MTARC1: variants seen among roughly 807,000 people sequenced by gnomAD.
MTARC1 encodes mitochondrial amidoxime-reducing component 1.
MTARC1 carries 24 observed loss-of-function variants against 33.6 expected under a neutral mutation model. The observed-to-expected ratio is 0.72, with a 90% CI of 0.52 to 1.01. MTARC1 has a LOEUF of 1.01. MTARC1 is among the 50% of genes least tolerant of loss of function. The pLI is 0.00. For synonymous variants in MTARC1, 187 were observed against 189.5 expected (o/e 0.99, Z 0.11); for missense variants, 417 against 445.7 (o/e 0.94, Z 0.58).
rs1331037687 is a variant in MTARC1 at position 220,819,406 on chromosome 1, C to T, written c.*5988C>T. ...GCAGTCGAAGTCCTAGAGAATATAT[C>T]TGGAGCTTTTGTGGGGCTAAGAGAT... On this transcript the variant is annotated 3_prime_UTR_variant, in exon 7 of 7. Coordinates refer to ENST00000366910, the MANE Select transcript of MTARC1 (RefSeq NM_022746.4). 2 of 152,166 alleles carry T rather than the reference C, an allele frequency of 1.3e-5. No homozygotes were observed. The highest frequency in any genetic ancestry group is 4.8e-5 in the African/African-American group (2 of 41,446). 9.4% of individuals were successfully genotyped at this position (152,166 alleles called of 1,614,324 possible).
chr1:220,813,048 G>A (rs7537521), intron 6 of MTARC1, among the ~76,000 whole-genome samples: 107 of 152,268 alleles, frequency 7.0e-4, no homozygotes, highest in African/African-American at 2.4e-3. Flanking sequence ...TCTTAATGCC[G>A]AAAGGGGGAA....
At position 220,787,017 on chromosome 1, in the gene MTARC1, G is replaced by A. The variant is rs953411816; in HGVS notation, c.73G>A (p.Val25Ile). The A allele has an allele frequency of 2.1e-5, 28 of 1,318,172 alleles. No homozygotes were observed. Among genetic ancestry groups the A allele is most frequent in the Non-Finnish European group, 2.7e-5 (28 of 1,041,926 alleles). 81.7% of individuals were successfully genotyped at this position (1,318,172 alleles called of 1,614,324 possible). ...GCAATCCCGGCCCGGGTGGCTCGGGGTTGCCGCGCTGGGCCTGACCGCGGT... is the reference window on the plus strand; with the variant it reads ...GCAATCCCGGCCCGGGTGGCTCGGGATTGCCGCGCTGGGCCTGACCGCGGT... ...LAQSRPGWLG[V>I]AALGLTAVAL... Residue 25 changes from valine to isoleucine, a missense_variant, in exon 1 of 7, where the codon GTT becomes ATT. By Grantham distance (29) the Val-to-Ile change is conservative (BLOSUM62 3). Transcript: ENST00000366910.
intron 6 of MTARC1, 103 bp downstream of exon 6, chr1:220,805,377 C>G: frequency 8.0e-7 from 1 of 1,256,498 alleles, no homozygotes; most frequent in Non-Finnish European, 1.2e-6. Context: ...AAACACCACA[C>G]ACATAGTCTT....
chr1:220,792,596 C>T lies in MTARC1; in HGVS notation c.449+932C>T, dbSNP rs12038224. Reference sequence around the variant, plus strand: ...TAATATACTTTTTTGAATTTGGTGGCTTTTCAGATTAGAAAAGTGGTACAT... The same window carrying T: ...TAATATACTTTTTTGAATTTGGTGGTTTTTCAGATTAGAAAAGTGGTACAT... On this transcript the variant is annotated intron_variant, in intron 2 of 6. Transcript: ENST00000366910. 9.3e-3 allele frequency among the ~76,000 whole-genome samples: 1,389 copies of T among 149,680 alleles called. 10 individuals are homozygous for T. The highest frequency in any genetic ancestry group is 0.06 in the East Asian group (305 of 5,110).
chr1:220,795,999 G>C (rs1672604180), intron 2 of MTARC1, among the ~76,000 whole-genome samples: 1 of 152,136 alleles, frequency 6.6e-6, no homozygotes, highest in South Asian at 2.1e-4. Flanking sequence ...CTCCATAGCT[G>C]TGAAATTCAT....
chr1:220,798,204 G>A lies in MTARC1; in HGVS notation c.753+190G>A, dbSNP rs1011183940. The A allele has an allele frequency of 3.3e-6, 5 of 1,519,036 alleles. No homozygotes were observed. In the African/African-American group the frequency reaches 6.9e-5, roughly 21 times the overall value. 94.1% of individuals were successfully genotyped at this position (1,519,036 alleles called of 1,614,324 possible). A position where few individuals can be genotyped will look rare whatever the true frequency, so the allele number is the denominator to read the frequency against. ...CTTCTGTGTGGAGGATACAAATGTT[G>A]ATGGGTCAGAGACTGTCATCAAGGA... On this transcript the variant is annotated intron_variant, in intron 4 of 6. Transcript: ENST00000366910.
At position 220,819,371 on chromosome 1, in the gene MTARC1, A is replaced by G. The variant is rs1282542922; in HGVS notation, c.*5953A>G. The G allele has an allele frequency of 2.0e-5, 3 of 152,236 alleles. No individual in the cohort carries two copies. Among genetic ancestry groups the G allele is most frequent in the Non-Finnish European group, 4.4e-5 (3 of 68,024 alleles). 9.4% of individuals were successfully genotyped at this position (152,236 alleles called of 1,614,324 possible). A position where few individuals can be genotyped will look rare whatever the true frequency, so the allele number is the denominator to read the frequency against. ...ATGTGGCCAAGATAAATGCAAGTCT[A>G]TATTTTAAGGCAGTCGAAGTCCTAG... On this transcript the variant is annotated 3_prime_UTR_variant, in exon 7 of 7. Coordinates refer to ENST00000366910, the MANE Select transcript of MTARC1 (RefSeq NM_022746.4).
At position 220,813,994 on chromosome 1, in the gene MTARC1, A is replaced by G. The variant is rs911115314; in HGVS notation, c.*576A>G. 6.4e-6 allele frequency: 1 copy of G among 155,230 alleles called. No individual in the cohort carries two copies. Among genetic ancestry groups the G allele is most frequent in the Non-Finnish European group, 1.4e-5 (1 of 69,952 alleles). 9.6% of individuals were successfully genotyped at this position (155,230 alleles called of 1,614,324 possible). ...AGATATTAATTTTCCATAGATCTGG[A>G]TCTGGCCCTGCTGCTTCTCAGACAG... On this transcript the variant is annotated 3_prime_UTR_variant, in exon 7 of 7. Coordinates refer to ENST00000366910, the MANE Select transcript of MTARC1 (RefSeq NM_022746.4).
intron 1 of MTARC1, among the ~76,000 whole-genome samples, chr1:220,789,130 A>G (rs2102582934): frequency 6.6e-6 from 1 of 152,262 alleles, no homozygotes; most frequent in East Asian, 1.9e-4. Context: ...GTGCCAGCAT[A>G]GAGGATGCAG....
At chr1:220,800,357 G>A (rs1445144837) in intron 4 of MTARC1, among the ~76,000 whole-genome samples, 1 of 152,194 alleles carries the variant, frequency 6.6e-6, no homozygotes, top group African/African-American at 2.4e-5. Context: ...AGACACATGA[G>A]AACAAGGGTT....
intron 6 of MTARC1, among the ~76,000 whole-genome samples, chr1:220,809,894 C>T (rs1484810820): frequency 1.3e-5 from 2 of 152,178 alleles, no homozygotes; most frequent in African/African-American, 2.4e-5. Flanking sequence ...GTGGTGGGAT[C>T]GGGCAGTGAC....
chr1:220,790,078 G>A (rs1672374705), intron 1 of MTARC1, among the ~76,000 whole-genome samples: 1 of 152,178 alleles, frequency 6.6e-6, no homozygotes, highest in East Asian at 1.9e-4. Flanking sequence ...TCCATTCTCT[G>A]TTGATGGACA....
At chr1:220,789,515 C>G (rs1301648526) in intron 1 of MTARC1, among the ~76,000 whole-genome samples, 1 of 152,216 alleles carries the variant, frequency 6.6e-6, no homozygotes, top group East Asian at 1.9e-4. Flanking sequence ...TCATTCAAAG[C>G]TGTCCTGGGC....
At chr1:220,787,246 G>T in intron 1 of MTARC1, 27 bp downstream of exon 1, 1 of 1,544,132 alleles carries the variant, frequency 6.5e-7, no homozygotes, top group South Asian at 1.2e-5. Flanking sequence ...GCGCGGGGCA[G>T]CGCTGATCCG....
chr1:220,808,412 C>T (rs1016652438), intron 6 of MTARC1, among the ~76,000 whole-genome samples: 1 of 152,226 alleles, frequency 6.6e-6, no homozygotes, highest in Non-Finnish European at 1.5e-5. Context: ...GTGTCTTCTC[C>T]TATCTCTTAC....
At chr1:220,800,090 A>G (rs61830266) in intron 4 of MTARC1, among the ~76,000 whole-genome samples, 60,184 of 151,994 alleles carry the variant, frequency 0.4, 12,228 homozygotes, top group East Asian at 0.59. Flanking sequence ...CCACCCCAAA[A>G]TTCTGTGACA....
rs1405086408 is a variant in MTARC1, at chr1:220,816,838, A to G, written c.*3420A>G. The G allele has an allele frequency of 1.3e-5, 2 of 152,270 alleles. No homozygotes were observed. The highest frequency in any genetic ancestry group is 4.8e-5 in the African/African-American group (2 of 41,454). 9.4% of individuals were successfully genotyped at this position (152,270 alleles called of 1,614,324 possible). A position where few individuals can be genotyped will look rare whatever the true frequency, so the allele number is the denominator to read the frequency against. ...TGATAGGTTAAAGGAGGTGTGGAGA[A>G]GTGTCTTAGACCAGCTCTCCTGTTG... On this transcript the variant is annotated 3_prime_UTR_variant, in exon 7 of 7. Transcript: ENST00000366910.
intron 6 of MTARC1, among the ~76,000 whole-genome samples, chr1:220,811,097 C>T (rs1056947158): frequency 1.3e-5 from 2 of 152,146 alleles, no homozygotes; most frequent in African/African-American, 4.8e-5. Context: ...TTGGCAGCAA[C>T]GGAAACACCC....
Position 220,805,234 on chromosome 1 carries a change from G to T in MTARC1, c.847G>T (p.Gly283Cys). 1 of 1,613,700 alleles carries T rather than the reference G, an allele frequency of 6.2e-7. No homozygotes were observed. Among genetic ancestry groups the T allele is most frequent in the Non-Finnish European group, 8.5e-7 (1 of 1,180,014 alleles). ...CILTTVDPDT[G>C]VMSRKEPLET... is the part of the protein sequence containing the mutation. ...TTTAACCACAGTGGACCCAGACACC[G>T]GTGTCATGAGCAGGAAGGAACCGCT... The change falls in exon 6 of 7, where the codon GGT (glycine) becomes TGT (cysteine). Residue 283 changes from glycine to cysteine, a missense_variant. Transcript: ENST00000366910.
Sources: allele counts gnomAD v4.1 joint callset (sites outside exome capture counted in the v4.1 genomes callset), GRCh38; gene constraint gnomAD v4.1.1; transcripts MANE v1.5; gene names NCBI Gene and HGNC (gene_info 2026-07-23, HGNC 2026-07-21).